The following GOLPH3L variants were observed in gnomAD, a reference collection of about 807,000 sequenced individuals.
The protein encoded by GOLPH3L is golgi phosphoprotein 3 like, also known as Golgi phosphoprotein 3-like.
A neutral mutation model predicts 30.3 loss-of-function variants in GOLPH3L; 22 were observed. The observed-to-expected ratio is 0.73, with a 90% CI of 0.52 to 1.04. GOLPH3L has a LOEUF of 1.04. Among genes scored for constraint, GOLPH3L ranks in the 50% least tolerant of loss-of-function variants. The pLI, the probability that GOLPH3L is intolerant of heterozygous loss-of-function variation, is 0.00. For missense variants in GOLPH3L, 303 were observed against 345.8 expected (o/e 0.88, Z 0.98); for synonymous variants, 120 against 128.2 (o/e 0.94, Z 0.43).
chr1:150,681,875 T>G (rs1183069766), intron 2 of GOLPH3L, among the ~76,000 whole-genome samples: 2 of 152,034 alleles, frequency 1.3e-5, no homozygotes, highest in Non-Finnish European at 1.5e-5. Context: ...AAGACCAGCC[T>G]GGCCAACGTG....
At chr1:150,691,739 C>T (rs1184795303) in intron 2 of GOLPH3L, among the ~76,000 whole-genome samples, 1 of 152,030 alleles carries the variant, frequency 6.6e-6, no homozygotes, top group Non-Finnish European at 1.5e-5. Context: ...ACCTCAAATA[C>T]AATAGTTTTT....
intron 2 of GOLPH3L, among the ~76,000 whole-genome samples, chr1:150,678,581 G>C (rs1453154017): frequency 6.6e-6 from 1 of 152,132 alleles, no homozygotes; most frequent in Non-Finnish European, 1.5e-5. Flanking sequence ...TGTATGCAGA[G>C]AGAGCTGATG....
At chr1:150,664,105 C>T (rs949618804) in intron 2 of GOLPH3L, among the ~76,000 whole-genome samples, 2 of 151,820 alleles carry the variant, frequency 1.3e-5, no homozygotes, top group African/African-American at 4.8e-5. Flanking sequence ...CTCAAGCAAT[C>T]CTTCCACCTC....
Position 150,648,311 on chromosome 1 carries a change from C to T in GOLPH3L, c.*10G>A, listed in dbSNP as rs1650027870. 5 of 1,570,604 alleles carry T rather than the reference C, an allele frequency of 3.2e-6. No individual in the cohort carries two copies. The South Asian group carries it at 3.5e-5, about 11-fold the overall frequency. On this transcript the variant is annotated 3_prime_UTR_variant, in exon 5 of 5. Coordinates refer to ENST00000271732, the MANE Select transcript of GOLPH3L (RefSeq NM_018178.6). ...CCAGCAGGGGAAAAGGAGAAATCCA[C>T]CTGCCGGCTTTAAGATTTATTGAAG...
chr1:150,669,408 A>G (rs1162649805), intron 2 of GOLPH3L, among the ~76,000 whole-genome samples: 2 of 152,222 alleles, frequency 1.3e-5, no homozygotes, highest in African/African-American at 4.8e-5. Context: ...CTCTTAGTGT[A>G]TCTATCTAAC....
chr1:150,654,661 G>A (rs184971937), intron 4 of GOLPH3L, among the ~76,000 whole-genome samples: 39 of 152,294 alleles, frequency 2.6e-4, no homozygotes, highest in Admixed American at 1.6e-3. Context: ...TTTGGGAAAC[G>A]CCATGAGGGG....
intron 2 of GOLPH3L, among the ~76,000 whole-genome samples, chr1:150,687,199 T>A (rs1651104956): frequency 6.6e-6 from 1 of 152,144 alleles, no homozygotes; most frequent in Non-Finnish European, 1.5e-5. Flanking sequence ...GCTTTAGGAT[T>A]GAGTCACTTT....
At chr1:150,673,294 T>G (rs587746239) in intron 2 of GOLPH3L, among the ~76,000 whole-genome samples, 1 of 152,228 alleles carries the variant, frequency 6.6e-6, no homozygotes, top group Non-Finnish European at 1.5e-5. Flanking sequence ...CCAGGCGCGG[T>G]GGCTCATGCC....
chr1:150,681,731 G>A (rs1300843147), intron 2 of GOLPH3L, among the ~76,000 whole-genome samples: 1 of 152,016 alleles, frequency 6.6e-6, no homozygotes, highest in Non-Finnish European at 1.5e-5. Context: ...GAAAAAGAAG[G>A]CTACAAAATG....
At chr1:150,673,541 G>A (rs587681805) in intron 2 of GOLPH3L, among the ~76,000 whole-genome samples, 94 of 151,664 alleles carry the variant, frequency 6.2e-4, no homozygotes, top group African/African-American at 1.8e-3. Context: ...ACTCCAGCCC[G>A]GGTGACAGTG....
chr1:150,683,580 G>C (rs1320505534), intron 2 of GOLPH3L, among the ~76,000 whole-genome samples: 1 of 146,582 alleles, frequency 6.8e-6, no homozygotes, highest in African/African-American at 2.5e-5. Flanking sequence ...GTGGGAGCCT[G>C]TAATCCCAGC....
At chr1:150,685,332 A>G (rs1651056187) in intron 2 of GOLPH3L, among the ~76,000 whole-genome samples, 2 of 152,244 alleles carry the variant, frequency 1.3e-5, no homozygotes, top group South Asian at 4.1e-4. Context: ...CAAGAAAGAT[A>G]TGGATAAGAC....
chr1:150,649,498 G>A (rs1318931495), intron 4 of GOLPH3L, among the ~76,000 whole-genome samples: 2 of 152,220 alleles, frequency 1.3e-5, no homozygotes, highest in African/African-American at 4.8e-5. Context: ...GGTGCTGCTA[G>A]CTCTATGGCA....
chr1:150,656,270 A>T (rs587610168), intron 4 of GOLPH3L, among the ~76,000 whole-genome samples: 25 of 152,334 alleles, frequency 1.6e-4, no homozygotes, highest in African/African-American at 6.0e-4. Context: ...ACCTTAGTAA[A>T]TGACACTACC....
At chr1:150,649,870 G>T (rs184393995) in intron 4 of GOLPH3L, among the ~76,000 whole-genome samples, 1 of 152,156 alleles carries the variant, frequency 6.6e-6, no homozygotes, top group East Asian at 1.9e-4. Flanking sequence ...GGTGGTACAC[G>T]CCTGTAGTCC....
intron 2 of GOLPH3L, among the ~76,000 whole-genome samples, chr1:150,671,740 A>C (rs1359274329): frequency 1.5e-5 from 2 of 133,350 alleles, no homozygotes; most frequent in Non-Finnish European, 3.1e-5. Flanking sequence ...TGGGAGGCGG[A>C]GGTTGCAGTG....
At chr1:150,665,327 C>CT (rs72378434) in intron 2 of GOLPH3L, among the ~76,000 whole-genome samples, 4,819 of 145,092 alleles carry the variant, frequency 0.033, 247 homozygotes, top group African/African-American at 0.11. Flanking sequence ...TTTGGGGTTA[C>CT]TTTTTTTTTT....
intron 2 of GOLPH3L, among the ~76,000 whole-genome samples, chr1:150,689,045 A>T (rs999993583): frequency 5.3e-5 from 8 of 152,172 alleles, no homozygotes; most frequent in Non-Finnish European, 1.2e-4. Context: ...CATATGAGTC[A>T]TTCAATAAAA....
At chr1:150,678,706 C>T (rs930281329) in intron 2 of GOLPH3L, among the ~76,000 whole-genome samples, 3 of 152,074 alleles carry the variant, frequency 2.0e-5, no homozygotes, top group African/African-American at 4.8e-5. Flanking sequence ...TGGCGGGGTG[C>T]GGTGGCTCAT....
Sources: allele counts gnomAD v4.1 joint callset (sites outside exome capture counted in the v4.1 genomes callset), GRCh38; gene constraint gnomAD v4.1.1; transcripts MANE v1.5; gene names NCBI Gene and HGNC (gene_info 2026-07-23, HGNC 2026-07-21).